PASD1: variants seen among roughly 807,000 people sequenced by gnomAD.
PASD1 encodes the protein PAS domain containing repressor 1, also known as circadian clock protein PASD1.
A neutral mutation model predicts 58.8 loss-of-function variants in PASD1; 13 were observed. The ratio of observed to expected loss-of-function variants is 0.22; its 90% CI spans 0.14 to 0.35. The LOEUF (loss-of-function observed/expected upper bound fraction) is 0.35, where lower values mean the gene tolerates loss of function less well. PASD1 is among the 10% of genes least tolerant of loss of function. The pLI is 1.00. For synonymous variants in PASD1, 236 were observed against 216.7 expected (o/e 1.09, Z -0.78); for missense variants, 734 against 568.3 (o/e 1.29, Z -2.96).
chrX:151,673,427 A>G, intron 14 of PASD1: 1 of 126,825 alleles, frequency 7.9e-6, no homozygotes, highest in Non-Finnish European at 1.6e-5. Flanking sequence ...CTTTAGGGCC[A>G]TATTGTCCAC....
intron 4 of PASD1, among the ~76,000 whole-genome samples, chrX:151,619,272 T>C (rs892833221): frequency 3.6e-5 from 4 of 111,730 alleles, no homozygotes; most frequent in Admixed American, 9.5e-5. Context: ...ATTACTGATA[T>C]TGGGAAGACC....
intron 1 of PASD1, among the ~76,000 whole-genome samples, chrX:151,572,176 C>T (rs1300089576): frequency 9.0e-6 from 1 of 111,202 alleles, no homozygotes; most frequent in African/African-American, 3.3e-5. Context: ...ATTATTTTGA[C>T]AGTTGTAAGT....
At chrX:151,584,477 T>G (rs114000912) in intron 1 of PASD1, among the ~76,000 whole-genome samples, 5,397 of 111,829 alleles carry the variant, frequency 0.048, 115 homozygotes, top group African/African-American at 0.087. Context: ...GACTTCAGAT[T>G]AATTTTCCTT....
rs191843580 is a variant in PASD1 at position 151,582,285 on chromosome X, C to T, written c.-28+18446C>T. Among the ~76,000 whole-genome samples, 632 of 110,705 alleles carry T rather than the reference C, an allele frequency of 5.7e-3. 2 individuals carry two copies. The highest frequency in any genetic ancestry group is 8.5e-3 in the Non-Finnish European group (449 of 52,824). ...GGCTTGAGCCACCGCACCTGGCCCCCGCTTTTTTTTGAGACAAAGTCTCAC... is the reference window on the plus strand; with the variant it reads ...GGCTTGAGCCACCGCACCTGGCCCCTGCTTTTTTTTGAGACAAAGTCTCAC... On this transcript the variant is annotated intron_variant, in intron 1 of 15. Coordinates refer to ENST00000370357, the MANE Select transcript of PASD1 (RefSeq NM_173493.3).
chrX:151,579,432 T>G (rs1330968861), intron 1 of PASD1, among the ~76,000 whole-genome samples: 1 of 112,038 alleles, frequency 8.9e-6, no homozygotes, highest in Non-Finnish European at 1.9e-5. Context: ...TAAACTGTTA[T>G]GCAGATCTGT....
intron 4 of PASD1, among the ~76,000 whole-genome samples, chrX:151,617,483 C>T (rs768061128): frequency 6.3e-5 from 7 of 111,751 alleles, no homozygotes; most frequent in South Asian, 3.8e-4. Flanking sequence ...AAAGAACTTA[C>T]GAGACATAGC....
chrX:151,657,736 A>T (rs1209640293), intron 9 of PASD1, among the ~76,000 whole-genome samples: 4 of 110,096 alleles, frequency 3.6e-5, no homozygotes, highest in South Asian at 3.9e-4. Context: ...TGCGTCTGTT[A>T]GATTCTTCTC....
rs143742896 is a variant in PASD1, at chrX:151,675,025, A to G, written c.2175+839A>G. 3.2e-3 allele frequency among the ~76,000 whole-genome samples: 362 copies of G among 111,917 alleles called. 3 individuals carry two copies. Among genetic ancestry groups the G allele is most frequent in the East Asian group, 0.012 (44 of 3,545 alleles). On this transcript the variant is annotated intron_variant, in intron 15 of 15. Transcript: ENST00000370357. ...TCACACGGAGAGATCAGAGTGGGCAATAGGTCCTATGGTTCCTATGGTTCC... is the reference window on the plus strand; with the variant it reads ...TCACACGGAGAGATCAGAGTGGGCAGTAGGTCCTATGGTTCCTATGGTTCC...
intron 11 of PASD1, among the ~76,000 whole-genome samples, chrX:151,670,017 T>C (rs933738025): frequency 8.9e-6 from 1 of 112,254 alleles, no homozygotes; most frequent in Non-Finnish European, 1.9e-5. Flanking sequence ...ACCAACAGTG[T>C]ATGAGCGTTC....
At chrX:151,639,986 G>A (rs1183208985) in intron 8 of PASD1, among the ~76,000 whole-genome samples, 9 of 111,595 alleles carry the variant, frequency 8.1e-5, no homozygotes, top group African/African-American at 1.6e-4. Context: ...GACATAAAAC[G>A]TTTTCTTTTA....
intron 5 of PASD1, among the ~76,000 whole-genome samples, 171 bp downstream of exon 5, chrX:151,621,200 C>T (rs2013703583): frequency 9.0e-6 from 1 of 110,719 alleles, no homozygotes; most frequent in African/African-American, 3.3e-5. Context: ...AAAATCTCTC[C>T]TCCATTAAAT....
chrX:151,590,266 C>A (rs766360709), intron 1 of PASD1, among the ~76,000 whole-genome samples: 28 of 112,212 alleles, frequency 2.5e-4, no homozygotes, highest in African/African-American at 8.7e-4. Context: ...AGTTATTTAT[C>A]TGAATTTGTG....
intron 12 of PASD1, 30 bp downstream of exon 12, chrX:151,671,226 A>G: frequency 8.3e-7 from 1 of 1,201,859 alleles, no homozygotes; most frequent in South Asian, 1.8e-5. Context: ...TTCAGGTCAG[A>G]GACCAGTTCT....
rs749508438 is a variant in PASD1 at position 151,565,572 on chromosome X, T to G, written c.-28+1733T>G. On this transcript the variant is annotated intron_variant, in intron 1 of 15. Transcript: ENST00000370357. ...CTTTTTCCTTACTTTTTTTTTTTTT[T>G]TTTTTGAGACGGAGTCTCGCTCTCA... 4.8e-3 allele frequency among the ~76,000 whole-genome samples: 498 copies of G among 103,942 alleles called. 1 individual carries two copies. The highest frequency in any genetic ancestry group is 0.017 in the African/African-American group (469 of 28,292). The allele number at this position is 103,942 out of a possible 115,157, so 90.3% of individuals were successfully genotyped here.
chrX:151,644,533 G>A (rs1159354250), intron 8 of PASD1, among the ~76,000 whole-genome samples: 3 of 111,498 alleles, frequency 2.7e-5, no homozygotes, highest in Non-Finnish European at 5.6e-5. Context: ...GCAGGAAGAC[G>A]TTTTCTAGGA....
chrX:151,638,858 T>C (rs2013964169), intron 8 of PASD1, among the ~76,000 whole-genome samples: 1 of 111,814 alleles, frequency 8.9e-6, no homozygotes, highest in Non-Finnish European at 1.9e-5. Flanking sequence ...TTACTATTTT[T>C]ATAAGGTGTG....
At chrX:151,636,766 T>A (rs2013936478) in intron 8 of PASD1, among the ~76,000 whole-genome samples, 1 of 111,890 alleles carries the variant, frequency 8.9e-6, no homozygotes, top group Non-Finnish European at 1.9e-5. Flanking sequence ...CAGTAAATTT[T>A]TTTTTTCCTC....
At chrX:151,568,715 T>C (rs1223709192) in intron 1 of PASD1, among the ~76,000 whole-genome samples, 1 of 112,096 alleles carries the variant, frequency 8.9e-6, no homozygotes, top group Non-Finnish European at 1.9e-5. Context: ...ATCCAAGAAG[T>C]GTTGAACTCC....
intron 1 of PASD1, among the ~76,000 whole-genome samples, chrX:151,579,594 T>TA (rs1449565892): frequency 8.9e-6 from 1 of 112,068 alleles, no homozygotes; most frequent in African/African-American, 3.2e-5. Flanking sequence ...TTTAACTTTT[T>TA]AAGCAATCAT....
Sources: gnomAD v4.1 joint callset for allele counts (sites outside exome capture counted in the v4.1 genomes callset) on GRCh38, gnomAD v4.1.1 for gene constraint, MANE v1.5 for transcripts, NCBI Gene and HGNC (gene_info 2026-07-23, HGNC 2026-07-21) for gene names.